Variants in EXD2 observed in about 807,000 individuals in gnomAD.
EXD2 encodes exonuclease 3'-5' domain-containing protein 2.
EXD2 carries 40 observed loss-of-function variants against 62.5 expected under a neutral mutation model. That is an observed-to-expected ratio of 0.64 (90% CI 0.50 to 0.83). The LOEUF (loss-of-function observed/expected upper bound fraction) is 0.83. Among genes scored for constraint, EXD2 ranks in the 40% least tolerant of loss-of-function variants. The pLI, the probability that EXD2 is intolerant of heterozygous loss-of-function variation, is 0.00. For synonymous variants in EXD2, 239 were observed against 291.9 expected, an observed-to-expected ratio of 0.82 and a Z score of 1.85; for missense variants, 671 against 761.8, an observed-to-expected ratio of 0.88 and a Z score of 1.40.
rs775215929 is a variant in EXD2 at position 69,209,837 on chromosome 14, A to C, written c.333+34A>C. The C allele has an allele frequency of 7.0e-5, 100 of 1,422,308 alleles. No individual in the cohort carries two copies. The Middle Eastern group carries it at 9.5e-4, about 13-fold the overall frequency. The allele number at this position is 1,422,308 out of a possible 1,614,324, so 88.1% of individuals were successfully genotyped here. ...AAAAGCAAAAGTTAAAAAAAAAAAA[A>C]AAAAACAACTTCTGCTTTTCCAACT... On this transcript the variant is annotated intron_variant, in intron 3 of 9. Coordinates refer to ENST00000685843, the MANE Select transcript of EXD2 (RefSeq NM_001193360.2).
intron 3 of EXD2, among the ~76,000 whole-genome samples, chr14:69,222,294 A>G (rs2043212398): frequency 6.6e-6 from 1 of 151,184 alleles, no homozygotes; most frequent in Non-Finnish European, 1.5e-5. Context: ...GATCTTCTTT[A>G]TATTTGTGTT....
rs997801834 is a variant in EXD2, at chr14:69,242,371, G to A, written c.*1271G>A. The stretch of plus-strand genomic sequence containing the variant: ...CTTGTAAGCACAAGGCTCACTGGAT[G>A]TAAATGTAAAACTTCGCGACTTTAT... On this transcript the variant is annotated 3_prime_UTR_variant, in exon 10 of 10. Transcript: ENST00000685843. 9 of 211,436 alleles carry A rather than the reference G, an allele frequency of 4.3e-5. No individual in the cohort carries two copies. The highest frequency in any genetic ancestry group is 1.8e-4 in the African/African-American group (8 of 43,630). The allele number at this position is 211,436 out of a possible 1,614,324, so 13.1% of individuals were successfully genotyped here.
In EXD2 at chr14:69,229,035, G is replaced by T. The variant is rs768313776; in HGVS notation, c.553G>T (p.Gly185Trp). The change falls in exon 4 of 10, where the codon GGG (glycine) becomes TGG (tryptophan). Residue 185 changes from glycine (G) to tryptophan (W), a missense_variant. Transcript: ENST00000685843. Reference sequence around the variant, plus strand: ...GCAGGATTATGGCCTCGTTGTTAGGGGGTGCCTGGACCTCCGATACCTAGC... The same window carrying T: ...GCAGGATTATGGCCTCGTTGTTAGGTGGTGCCTGGACCTCCGATACCTAGC... ...LLQDYGLVVRGCLDLRYLAMR... is the reference protein window; with the variant it reads ...LLQDYGLVVRWCLDLRYLAMR... 6.2e-7 allele frequency: 1 copy of T among 1,614,198 alleles called. No homozygotes were observed. The highest frequency in any genetic ancestry group is 8.5e-7 in the Non-Finnish European group (1 of 1,180,032).
At chr14:69,238,122 A>T (rs1487966977) in intron 9 of EXD2, among the ~76,000 whole-genome samples, 191 bp downstream of exon 9, 1 of 152,350 alleles carries the variant, frequency 6.6e-6, no homozygotes, top group African/African-American at 2.4e-5. Context: ...GTTCCTTTCC[A>T]TAGGAAACTT....
intron 3 of EXD2, among the ~76,000 whole-genome samples, chr14:69,217,058 C>CT (rs1459411500): frequency 1.3e-5 from 2 of 151,936 alleles, no homozygotes; most frequent in Non-Finnish European, 1.5e-5. Context: ...GAGATCAACT[C>CT]TTTTATTTTT....
intron 3 of EXD2, among the ~76,000 whole-genome samples, chr14:69,226,926 T>C (rs1047885325): frequency 4.6e-5 from 7 of 152,144 alleles, no homozygotes; most frequent in African/African-American, 1.7e-4. Flanking sequence ...TGTCATTTTC[T>C]GTGTGTGTGA....
chr14:69,194,142 CT>C (rs10716345), intron 1 of EXD2, among the ~76,000 whole-genome samples: 89,350 of 136,188 alleles, frequency 0.66, 28,985 homozygotes, highest in East Asian at 0.99. Context: ...TCAGTCCATT[CT>C]TTTTTTTTTT....
Position 69,237,885 on chromosome 14 carries a change from G to T in EXD2, c.1603G>T (p.Val535Leu), listed in dbSNP as rs762532137. The T allele has an allele frequency of 6.2e-7, 1 of 1,601,056 alleles. No individual in the cohort carries two copies. Among genetic ancestry groups the T allele is most frequent in the Non-Finnish European group, 8.5e-7 (1 of 1,174,628 alleles). The change falls in exon 9 of 10, where the codon GTG (valine) becomes TTG (leucine). Residue 535 changes from valine to leucine, a missense_variant. Transcript: ENST00000685843. ...QALREFYNTDVVTEEMLQEAA... is the reference protein window; with the variant it reads ...QALREFYNTDLVTEEMLQEAA... The stretch of plus-strand genomic sequence containing the variant: ...ACTCAGAGAGTTTTATAACACAGAC[G>T]TGGTCACAGAGGAGATGCTTCAAGA...
In EXD2 at chr14:69,243,708, T is replaced by A. The variant is rs1440168949; in HGVS notation, c.*2608T>A. 2.0e-5 allele frequency: 3 copies of A among 152,212 alleles called. No individual in the cohort carries two copies. The East Asian group carries it at 5.8e-4, about 29-fold the overall frequency. 9.4% of individuals were successfully genotyped at this position (152,212 alleles called of 1,614,324 possible). On this transcript the variant is annotated 3_prime_UTR_variant, in exon 10 of 10. Transcript: ENST00000685843. ...CTGTGAAGAGGGGGATTCACATTGC[T>A]GGGGCTAAGTACAAATTGACATCAC... is the stretch of plus-strand genomic sequence containing the variant.
intron 3 of EXD2, among the ~76,000 whole-genome samples, chr14:69,214,694 G>GGACA: frequency 6.6e-6 from 1 of 152,238 alleles, no homozygotes. Flanking sequence ...CCCTCTGAGG[G>GGACA]TTACCATTAT....
chr14:69,219,968 A>G (rs956812275), intron 3 of EXD2, among the ~76,000 whole-genome samples: 1 of 152,134 alleles, frequency 6.6e-6, no homozygotes, highest in Non-Finnish European at 1.5e-5. Flanking sequence ...GTAGGTTTGT[A>G]GATCCCTTTA....
intron 1 of EXD2, among the ~76,000 whole-genome samples, chr14:69,194,686 G>A (rs1594712244): frequency 1.3e-5 from 2 of 152,094 alleles, no homozygotes; most frequent in Admixed American, 1.3e-4. Context: ...TTTCTAGACT[G>A]TCTTCTGTTC....
intron 5 of EXD2, among the ~76,000 whole-genome samples, chr14:69,230,812 T>C (rs2043548620): frequency 6.6e-6 from 1 of 152,224 alleles, no homozygotes; most frequent in African/African-American, 2.4e-5. Context: ...AGATGGAGTC[T>C]CACTCTGTTG....
intron 9 of EXD2, chr14:69,239,230 A>T (rs2043904169): frequency 6.6e-6 from 1 of 152,236 alleles, no homozygotes; most frequent in African/African-American, 2.4e-5. Context: ...GAAATGAGAA[A>T]TGAATGGGCA....
chr14:69,210,363 T>C (rs2042765985), intron 3 of EXD2, among the ~76,000 whole-genome samples: 1 of 152,206 alleles, frequency 6.6e-6, no homozygotes, highest in South Asian at 2.1e-4. Flanking sequence ...CTCTAAGCCA[T>C]GTACTATATG....
chr14:69,228,709 C>A (rs1207994624), intron 3 of EXD2, 107 bp from the exon 4 acceptor site: 9 of 1,420,594 alleles, frequency 6.3e-6, no homozygotes, highest in Non-Finnish European at 8.6e-6. Context: ...CAGATGCTAC[C>A]TTTGGGAAGT....
chr14:69,226,239 G>A (rs1288255007), intron 3 of EXD2, among the ~76,000 whole-genome samples: 5 of 152,180 alleles, frequency 3.3e-5, no homozygotes, highest in African/African-American at 9.7e-5. Flanking sequence ...GGTCACATCC[G>A]GATGAATTAT....
rs2043709170 is a variant in EXD2 at position 69,234,729 on chromosome 14, T to G, written c.747T>G (p.Ile249Met). 2.5e-6 allele frequency: 4 copies of G among 1,613,452 alleles called. No individual in the cohort carries two copies. The highest frequency in any genetic ancestry group is 2.7e-5 in the African/African-American group (2 of 74,936). The change falls in exon 6 of 10, where the codon ATT (isoleucine) becomes ATG (methionine). Residue 249 changes from isoleucine (I) to methionine (M), a missense_variant. Coordinates refer to ENST00000685843, the MANE Select transcript of EXD2 (RefSeq NM_001193360.2). ...QVIYAARDAQ[I>M]SVALFLHLLG... is the part of the protein sequence containing the mutation. ...TTTATGCTGCCAGGGATGCCCAGAT[T>G]TCAGTGGCTCTCTTTCTTCATCTTC...
Position 69,209,598 on chromosome 14 carries a change from C to T in EXD2, c.128C>T (p.Pro43Leu), listed in dbSNP as rs752389207. 9.4e-5 allele frequency: 145 copies of T among 1,550,406 alleles called. 2 individuals are homozygous for T. The Middle Eastern group carries it at 2.2e-3, about 23-fold the overall frequency. ...RSKTSPVTQQ[P>L]QQKVLGSREL... ...AAAACGAGTCCTGTGACCCAACAGCCACAGCAGAAAGTGCTGGGCAGTAGA... is the reference window on the plus strand; with the variant it reads ...AAAACGAGTCCTGTGACCCAACAGCTACAGCAGAAAGTGCTGGGCAGTAGA... Residue 43 changes from proline to leucine, a missense_variant, in exon 3 of 10, where the codon CCA becomes CTA. Coordinates refer to ENST00000685843, the MANE Select transcript of EXD2 (RefSeq NM_001193360.2).
Sources: allele counts gnomAD v4.1 joint callset (sites outside exome capture counted in the v4.1 genomes callset), GRCh38; gene constraint gnomAD v4.1.1; transcripts MANE v1.5; gene names NCBI Gene and HGNC (gene_info 2026-07-23, HGNC 2026-07-21).